Variants in ASB3 observed in about 807,000 individuals in gnomAD.
ASB3 encodes ankyrin repeat and SOCS box protein 3.
In ASB3, 41 loss-of-function variants were observed where a neutral mutation model predicts 54.5. That is an observed-to-expected ratio of 0.75 (90% CI 0.59 to 0.98). The LOEUF (loss-of-function observed/expected upper bound fraction) is 0.98, where lower values mean the gene tolerates loss of function less well. Among genes scored for constraint, ASB3 ranks in the 50% least tolerant of loss-of-function variants. The pLI, the probability that ASB3 is intolerant of heterozygous loss-of-function variation, is 0.00. For missense variants in ASB3, 733 were observed against 620.0 expected, an observed-to-expected ratio of 1.18 and a Z score of -1.94; for synonymous variants, 266 against 221.2, an observed-to-expected ratio of 1.20 and a Z score of -1.80.
intron 5 of ASB3, among the ~76,000 whole-genome samples, chr2:53,726,988 T>G (rs1230450089): frequency 6.6e-6 from 1 of 152,060 alleles, no homozygotes; most frequent in African/African-American, 2.4e-5. Flanking sequence ...CACTAATAAT[T>G]GAAACTTATG....
At position 53,785,576 on chromosome 2, in the gene ASB3, C is replaced by A. The variant is rs145822105; in HGVS notation, c.-14+1245G>T. On this transcript the variant is annotated intron_variant, in intron 1 of 9. Transcript: ENST00000263634. ...AGCCCAGGGGGGCCAGGCACAGTGG[C>A]TCAGGCCTGTAATCCCAGCACTTTG... 7.5e-3 allele frequency among the ~76,000 whole-genome samples: 1,138 copies of A among 152,362 alleles called. 16 individuals are homozygous for A. The highest frequency in any genetic ancestry group is 0.026 in the African/African-American group (1,092 of 41,578).
chr2:53,712,061 T>TA (rs968285438), intron 7 of ASB3, among the ~76,000 whole-genome samples: 10 of 152,152 alleles, frequency 6.6e-5, no homozygotes, highest in Admixed American at 3.3e-4. Context: ...TGGAGTTCCT[T>TA]AAAAATACAA....
chr2:53,786,463 A>G (rs1675010449), intron 1 of ASB3: 1 of 152,170 alleles, frequency 6.6e-6, no homozygotes, highest in African/African-American at 2.4e-5. Flanking sequence ...TTCCCCTAAC[A>G]CAGAGTTGCA....
intron 1 of ASB3, among the ~76,000 whole-genome samples, chr2:53,765,934 T>C (rs925114944): frequency 2.6e-5 from 4 of 152,020 alleles, no homozygotes; most frequent in African/African-American, 9.7e-5. Flanking sequence ...GCACCCTCTT[T>C]GGTGCTCCAT....
intron 9 of ASB3, among the ~76,000 whole-genome samples, chr2:53,677,067 C>G (rs1037523419): frequency 3.3e-5 from 5 of 152,168 alleles, no homozygotes. Flanking sequence ...CCGCGCCCGG[C>G]CTATACTGTA....
chr2:53,672,384 T>C (rs1667866325), intron 9 of ASB3, among the ~76,000 whole-genome samples: 1 of 152,166 alleles, frequency 6.6e-6, no homozygotes, highest in South Asian at 2.1e-4. Flanking sequence ...GAAATGATGG[T>C]TCTCACATGA....
chr2:53,752,240 A>AG (rs1220266087), intron 2 of ASB3, among the ~76,000 whole-genome samples: 1 of 152,222 alleles, frequency 6.6e-6, no homozygotes, highest in Non-Finnish European at 1.5e-5. Context: ...TGATAAGTCT[A>AG]GGGTAGTGAT....
At chr2:53,689,170 AG>A (rs1668781847) in intron 9 of ASB3, among the ~76,000 whole-genome samples, 1 of 152,062 alleles carries the variant, frequency 6.6e-6, no homozygotes, top group Non-Finnish European at 1.5e-5. Context: ...GGGTAGTCAA[AG>A]GAAAAAAAAA....
In ASB3 at chr2:53,714,584, A is replaced by G; in HGVS notation, c.783-3T>C. 1 of 1,613,012 alleles carries G rather than the reference A, an allele frequency of 6.2e-7. No homozygotes were observed. Among genetic ancestry groups the G allele is most frequent in the Non-Finnish European group, 8.5e-7 (1 of 1,179,476 alleles). ...GTGGTATTAACAAGTCCAAGATTCT[A>G]TAAATACACAAATTCAGGAGAATTT... On this transcript the variant is annotated splice_polypyrimidine_tract_variant and splice_region_variant and intron_variant, in intron 6 of 9. Coordinates refer to ENST00000263634, the MANE Select transcript of ASB3 (RefSeq NM_016115.5).
rs565101007 is a variant in ASB3 at position 53,760,735 on chromosome 2, A to G, written c.196+4642T>C. 7.9e-5 allele frequency among the ~76,000 whole-genome samples: 12 copies of G among 152,330 alleles called. 1 individual carries two copies. In the South Asian group the frequency reaches 2.1e-3, roughly 26 times the overall value. Reference sequence around the variant, plus strand: ...TACTAGACCAGGCCTTTTCAAAACTATCAAGCAGATAGTCAGGATCTGTGA... The same window carrying G: ...TACTAGACCAGGCCTTTTCAAAACTGTCAAGCAGATAGTCAGGATCTGTGA... On this transcript the variant is annotated intron_variant, in intron 2 of 9. Coordinates refer to ENST00000263634, the MANE Select transcript of ASB3 (RefSeq NM_016115.5).
At chr2:53,761,567 A>G (rs1390296367) in intron 2 of ASB3, among the ~76,000 whole-genome samples, 1 of 152,140 alleles carries the variant, frequency 6.6e-6, no homozygotes, top group East Asian at 1.9e-4. Flanking sequence ...CCCAGTTCTC[A>G]GTCCTTTGGC....
intron 9 of ASB3, among the ~76,000 whole-genome samples, chr2:53,671,826 G>T (rs1667838469): frequency 8.6e-6 from 1 of 116,636 alleles, no homozygotes; most frequent in South Asian, 2.5e-4. Flanking sequence ...GTTAAATAAA[G>T]AAGTTAATGT....
chr2:53,731,904 C>CAAAGTGCT (rs1268287670), intron 3 of ASB3, among the ~76,000 whole-genome samples: 2 of 152,138 alleles, frequency 1.3e-5, no homozygotes, highest in Non-Finnish European at 2.9e-5. Context: ...CCACCAGCCT[C>CAAAGTGCT]GGCCTCCCAA....
chr2:53,717,659 A>T (rs556408907), intron 5 of ASB3, among the ~76,000 whole-genome samples: 11 of 152,336 alleles, frequency 7.2e-5, no homozygotes, highest in African/African-American at 2.6e-4. Flanking sequence ...CCACTGAAGG[A>T]TCACAGTCGT....
In ASB3 at chr2:53,770,852, A is replaced by G. The variant is rs73935002; in HGVS notation, c.-13-5267T>C. Among the ~76,000 whole-genome samples the G allele has an allele frequency of 2.8e-3, 421 of 152,306 alleles. 3 individuals carry two copies. Among genetic ancestry groups the G allele is most frequent in the African/African-American group, 9.8e-3 (409 of 41,582 alleles). On this transcript the variant is annotated intron_variant, in intron 1 of 9. Coordinates refer to ENST00000263634, the MANE Select transcript of ASB3 (RefSeq NM_016115.5). Reference sequence around the variant, plus strand: ...TCTAATACTGACCTTTAAATAGGGCAAAGTAAAGTTCATTTATGAATGTAA... The same window carrying G: ...TCTAATACTGACCTTTAAATAGGGCGAAGTAAAGTTCATTTATGAATGTAA...
chr2:53,756,657 C>G (rs773776511), intron 2 of ASB3, among the ~76,000 whole-genome samples: 1 of 152,156 alleles, frequency 6.6e-6, no homozygotes, highest in Non-Finnish European at 1.5e-5. Flanking sequence ...CCTTTGGGTC[C>G]CCTCCCATTG....
intron 7 of ASB3, among the ~76,000 whole-genome samples, chr2:53,704,531 C>G (rs897878052): frequency 6.6e-6 from 1 of 151,832 alleles, no homozygotes; most frequent in African/African-American, 2.4e-5. Flanking sequence ...AAGAAATAAC[C>G]AAAAACATAT....
chr2:53,765,658 C>T (rs1224108941), intron 1 of ASB3, 73 bp from the exon 2 acceptor site: 13 of 1,564,442 alleles, frequency 8.3e-6, no homozygotes, highest in South Asian at 2.3e-5. Context: ...CAGCAAATCA[C>T]GGTGGGCCTG....
intron 5 of ASB3, among the ~76,000 whole-genome samples, chr2:53,726,625 T>A (rs1005374510): frequency 6.6e-6 from 1 of 151,312 alleles, no homozygotes; most frequent in Non-Finnish European, 1.5e-5. Flanking sequence ...TACACACATA[T>A]ATATATACAC....
Sources: allele counts gnomAD v4.1 joint callset (sites outside exome capture counted in the v4.1 genomes callset), GRCh38; gene constraint gnomAD v4.1.1; transcripts MANE v1.5; gene names NCBI Gene and HGNC (gene_info 2026-07-23, HGNC 2026-07-21).